Variants in AGAP9 observed in about 807,000 individuals in gnomAD.
AGAP9 encodes arf-GAP with GTPase, ANK repeat and PH domain-containing protein 9.
A neutral mutation model predicts 55.6 loss-of-function variants in AGAP9; 23 were observed. The ratio of observed to expected loss-of-function variants is 0.41; its 90% CI spans 0.30 to 0.59. AGAP9 has a LOEUF of 0.59. Ranked by LOEUF, AGAP9 falls within the 20% of genes least tolerant of loss-of-function variation. AGAP9 has a pLI of 0.25. For synonymous variants in AGAP9, 120 were observed against 305.0 expected, an observed-to-expected ratio of 0.39 and a Z score of 6.32; for missense variants, 309 against 808.1, an observed-to-expected ratio of 0.38 and a Z score of 7.49.
chr10:47,503,253 T>G lies in AGAP9; in HGVS notation c.876A>C (p.Arg292=). 5 of 1,544,962 alleles carry G rather than the reference T, an allele frequency of 3.2e-6. 2 individuals carry two copies. The East Asian group carries it at 1.4e-4, about 45-fold the overall frequency. ...TCCATGTCTTCAGCCATTTTCCACT[T>G]CGCTTTAAGAGCATGCCCTGTTTAA... ...IPIKQGMLLK[R]SGKWLKTWKK... is the part of the protein sequence containing the mutation. The change falls in exon 8 of 8, where the codon CGA becomes CGC. Residue 292 remains arginine, a synonymous_variant. Coordinates refer to ENST00000452145, the MANE Select transcript of AGAP9 (RefSeq NM_001190810.1).
rs1456665621 is a variant in AGAP9, at chr10:47,506,747, C to A, written c.533+801G>T. Among the ~76,000 whole-genome samples, 3 of 145,276 alleles carry A rather than the reference C, an allele frequency of 2.1e-5. 1 individual carries two copies. The highest frequency in any genetic ancestry group is 4.5e-5 in the Non-Finnish European group (3 of 66,050). On this transcript the variant is annotated intron_variant, in intron 6 of 7. Coordinates refer to ENST00000452145, the MANE Select transcript of AGAP9 (RefSeq NM_001190810.1). ...CTCCGCCTCCCAAGTTCAAGCGGTT[C>A]TCCTGCCTCAGCCTCCAGAATACGT...
At position 47,502,750 on chromosome 10, in the gene AGAP9, C is replaced by A; in HGVS notation, c.1379G>T (p.Ser460Ile). 1 of 1,591,172 alleles carries A rather than the reference C, an allele frequency of 6.3e-7. No homozygotes were observed. The highest frequency in any genetic ancestry group is 8.6e-7 in the Non-Finnish European group (1 of 1,165,626). ...KSSKSKSQLT[S>I]QSEAMALQSI... is the part of the protein sequence containing the mutation. ...CTGCAGGGCCATGGCCTCACTCTGG[C>A]TGGTCAGCTGGGACTTGCTTTTACT... Residue 460 changes from serine (S) to isoleucine (I), a missense_variant, in exon 8 of 8, where the codon AGC (serine) becomes ATC (isoleucine). By Grantham distance (142) the Ser-to-Ile change is moderately radical. Transcript: ENST00000452145.
chr10:47,516,583 C>A (rs1422887046), intron 4 of AGAP9, among the ~76,000 whole-genome samples: 1 of 138,548 alleles, frequency 7.2e-6, no homozygotes, highest in Non-Finnish European at 1.5e-5. Context: ...CCACACAAGA[C>A]AGCAGTTACG....
Position 47,503,308 on chromosome 10 carries a change from T to A in AGAP9, c.821A>T (p.Asp274Val). Residue 274 changes from aspartate to valine, a missense_variant, in exon 8 of 8, where the codon GAC (aspartate) becomes GTC (valine). Asp to Val is a radical substitution (Grantham distance 152, BLOSUM62 -3). Transcript: ENST00000452145. The stretch of plus-strand genomic sequence containing the variant: ...GATGGCTCTGCCGCTCCCGATGGTG[T>A]CAGCATGATTCTCCGGGGCTTTCCT... Reference protein sequence around the residue: ...KERKAPENHADTIGSGRAIPI... With the variant: ...KERKAPENHAVTIGSGRAIPI... 1 of 1,592,784 alleles carries A rather than the reference T, an allele frequency of 6.3e-7. No individual in the cohort carries two copies. The highest frequency in any genetic ancestry group is 8.6e-7 in the Non-Finnish European group (1 of 1,169,554).
rs1402345271 is a variant in AGAP9 at position 47,514,616 on chromosome 10, TAATA to T, written c.396+3203_396+3206del. Among the ~76,000 whole-genome samples the T allele has an allele frequency of 1.9e-4, 12 of 64,592 alleles. 1 individual carries two copies. The highest frequency in any genetic ancestry group is 8.8e-4 in the African/African-American group (12 of 13,560). 42.4% of individuals were successfully genotyped at this position (64,592 alleles called of 152,430 possible). On this transcript the variant is annotated intron_variant, in intron 4 of 7. Transcript: ENST00000452145. ...CTGTTCCCCCAGAAACCTATGGAAA[TAATA>T]AATAAATAAATAAAGTACAGCATTT...
At chr10:47,521,787 T>C (rs1840845807) in intron 2 of AGAP9, among the ~76,000 whole-genome samples, 3 of 149,198 alleles carry the variant, frequency 2.0e-5, no homozygotes, top group Non-Finnish European at 1.5e-5. Context: ...AACTCTTTCC[T>C]TTTTTTTTTG....
At position 47,503,037 on chromosome 10, in the gene AGAP9, G is replaced by T. The variant is rs1266978124; in HGVS notation, c.1092C>A (p.Ser364=). The T allele has an allele frequency of 2.5e-6, 4 of 1,609,032 alleles. No homozygotes were observed. The highest frequency in any genetic ancestry group is 3.4e-6 in the Non-Finnish European group (4 of 1,179,116). The change falls in exon 8 of 8, where the codon TCC becomes TCA. Residue 364 remains serine, a synonymous_variant. Coordinates refer to ENST00000452145, the MANE Select transcript of AGAP9 (RefSeq NM_001190810.1). ...PISSSKSNGL[S]KDMDTGLGDS... is the part of the protein sequence containing the mutation. ...CACCCAGCCCGGTGTCCATGTCCTTGGATAGGCCATTGCTTTTAGAGCTGG... is the reference window on the plus strand; with the variant it reads ...CACCCAGCCCGGTGTCCATGTCCTTTGATAGGCCATTGCTTTTAGAGCTGG...
At chr10:47,520,923 G>C (rs1416748866) in intron 2 of AGAP9, among the ~76,000 whole-genome samples, 1 of 119,630 alleles carries the variant, frequency 8.4e-6, no homozygotes, top group Non-Finnish European at 1.6e-5. Context: ...AATAAATCAA[G>C]ATGGCAGTAA....
rs1840768587 is a variant in AGAP9 at position 47,519,087 on chromosome 10, C to A, written c.362-1230G>T. The stretch of plus-strand genomic sequence containing the variant: ...GTTGGAGACAGGGCCTAGTGGGAGG[C>A]ATTTGGGTAATGGCAGTGGATTCCT... On this transcript the variant is annotated intron_variant, in intron 3 of 7. Coordinates refer to ENST00000452145, the MANE Select transcript of AGAP9 (RefSeq NM_001190810.1). Among the ~76,000 whole-genome samples the A allele has an allele frequency of 1.5e-5, 2 of 136,916 alleles. 1 individual carries two copies. The highest frequency in any genetic ancestry group is 3.1e-5 in the Non-Finnish European group (2 of 65,112). 89.8% of individuals were successfully genotyped at this position (136,916 alleles called of 152,430 possible). A position where few individuals can be genotyped will look rare whatever the true frequency, so the allele number is the denominator to read the frequency against.
At chr10:47,513,586 C>A (rs1388902566) in intron 4 of AGAP9, among the ~76,000 whole-genome samples, 1 of 140,678 alleles carries the variant, frequency 7.1e-6, no homozygotes, top group Non-Finnish European at 1.5e-5. Flanking sequence ...CAAAACAAAA[C>A]TAAGCAAAAA....
chr10:47,521,726 A>C (rs1588954310), intron 2 of AGAP9, among the ~76,000 whole-genome samples: 1 of 150,966 alleles, frequency 6.6e-6, no homozygotes, highest in African/African-American at 2.4e-5. Flanking sequence ...TCTGTTTTCT[A>C]CCGGCTCCCA....
Position 47,507,699 on chromosome 10 carries a change from T to C in AGAP9, c.498-116A>G, listed in dbSNP as rs1381095603. 24 of 843,782 alleles carry C rather than the reference T, an allele frequency of 2.8e-5. 3 individuals are homozygous for C. Among genetic ancestry groups the C allele is most frequent in the Non-Finnish European group, 3.3e-5 (18 of 546,940 alleles). 52.3% of individuals were successfully genotyped at this position (843,782 alleles called of 1,614,324 possible). ...TAGCGGCCCTGAAATTCAAATCTTCTAGTTCAGAACAGTACCATAAGGGCA... is the reference window on the plus strand; with the variant it reads ...TAGCGGCCCTGAAATTCAAATCTTCCAGTTCAGAACAGTACCATAAGGGCA... On this transcript the variant is annotated intron_variant, in intron 5 of 7. Transcript: ENST00000452145.
At chr10:47,505,543 CT>C (rs1840458864) in intron 6 of AGAP9, among the ~76,000 whole-genome samples, 1 of 133,288 alleles carries the variant, frequency 7.5e-6, no homozygotes, top group African/African-American at 2.7e-5. Flanking sequence ...TGAAAAATCA[CT>C]TTTTTCACAG....
intron 4 of AGAP9, among the ~76,000 whole-genome samples, chr10:47,513,159 C>T (rs1335703641): frequency 3.2e-3 from 485 of 149,460 alleles, no homozygotes; most frequent in African/African-American, 0.011. Context: ...CTCAGCCACC[C>T]GAGTAGATGG....
Position 47,502,198 on chromosome 10 carries a change from G to A in AGAP9, c.1931C>T (p.Thr644Met), listed in dbSNP as rs1840364130. 40 of 1,539,984 alleles carry A rather than the reference G, an allele frequency of 2.6e-5. 5 individuals are homozygous for A. In the Middle Eastern group the frequency reaches 7.2e-4, roughly 28 times the overall value. Reference protein sequence around the residue: ...KGNVVLEQLLTGWTSWPEMPT... With the variant: ...KGNVVLEQLLMGWTSWPEMPT... The stretch of plus-strand genomic sequence containing the variant: ...CATCTCGGGCCATGACGTCCACCCC[G>A]TCAGGAGCTGCTCCAGGACCACATT... The change falls in exon 8 of 8, where the codon ACG becomes ATG. Residue 644 changes from threonine (T) to methionine (M), a missense_variant. Physicochemically the swap from Thr to Met is moderately conservative, Grantham distance 81 (BLOSUM62 -1). Transcript: ENST00000452145.
intron 2 of AGAP9, among the ~76,000 whole-genome samples, chr10:47,521,938 G>A (rs1378847989): frequency 6.0e-5 from 9 of 150,018 alleles, no homozygotes; most frequent in East Asian, 4.1e-4. Context: ...GCGCCACTAC[G>A]CCCAGCTAAT....
chr10:47,511,266 T>C (rs1434537189), intron 4 of AGAP9, among the ~76,000 whole-genome samples: 1 of 142,514 alleles, frequency 7.0e-6, no homozygotes, highest in Non-Finnish European at 1.5e-5. Flanking sequence ...TTTACTACGA[T>C]AAAATGTAGT....
At chr10:47,519,125 G>T (rs1460017690) in intron 3 of AGAP9, among the ~76,000 whole-genome samples, 2 of 137,192 alleles carry the variant, frequency 1.5e-5, no homozygotes, top group Non-Finnish European at 3.1e-5. Flanking sequence ...TGAATGGCTT[G>T]GTCCCATCCC....
rs1840377660 is a variant in AGAP9 at position 47,502,592 on chromosome 10, G to C, written c.1537C>G (p.Leu513Val). ...AGCTCCAGAGATCGCACACGGGAAA[G>C]GCGGGTGCCAAAACTGCGGTGGATA... ...SGIHRSFGTR[L>V]SRVRSLELDD... The change falls in exon 8 of 8, where the codon CTT becomes GTT. Residue 513 changes from leucine to valine, a missense_variant. Physicochemically the swap from Leu to Val is conservative, Grantham distance 32. Coordinates refer to ENST00000452145, the MANE Select transcript of AGAP9 (RefSeq NM_001190810.1). 1 of 1,577,464 alleles carries C rather than the reference G, an allele frequency of 6.3e-7. No homozygotes were observed. Among genetic ancestry groups the C allele is most frequent in the African/African-American group, 1.4e-5 (1 of 72,280 alleles).
Sources: gnomAD v4.1 joint callset for allele counts (sites outside exome capture counted in the v4.1 genomes callset) on GRCh38, gnomAD v4.1.1 for gene constraint, MANE v1.5 for transcripts, NCBI Gene and HGNC (gene_info 2026-07-23, HGNC 2026-07-21) for gene names.